TACR3: variants seen among roughly 807,000 people sequenced by gnomAD.
The protein encoded by TACR3 is tachykinin receptor 3.
In TACR3, 34 loss-of-function variants were observed where a neutral mutation model predicts 35.0. The observed-to-expected ratio is 0.97, with a 90% CI of 0.74 to 1.30. The LOEUF (loss-of-function observed/expected upper bound fraction) is 1.30, where lower values mean the gene tolerates loss of function less well. TACR3 is among the 50% of genes most tolerant of loss of function. The pLI is 0.00. For missense variants in TACR3, 558 were observed against 591.7 expected (o/e 0.94, Z 0.59); for synonymous variants, 233 against 221.1 (o/e 1.05, Z -0.48).
chr4:103,621,251 C>G (rs946382941), intron 3 of TACR3, among the ~76,000 whole-genome samples: 1 of 152,114 alleles, frequency 6.6e-6, no homozygotes, highest in Non-Finnish European at 1.5e-5. Context: ...AATAAGGTAA[C>G]CAAAACTCAT....
intron 4 of TACR3, among the ~76,000 whole-genome samples, chr4:103,590,346 GA>G (rs1440460724): frequency 2.0e-5 from 3 of 152,054 alleles, no homozygotes; most frequent in Non-Finnish European, 4.4e-5. Context: ...AAATATAATT[GA>G]ATTAGGCTGG....
chr4:103,631,289 C>T (rs895258763), intron 3 of TACR3, among the ~76,000 whole-genome samples: 1 of 151,976 alleles, frequency 6.6e-6, no homozygotes, highest in Non-Finnish European at 1.5e-5. Flanking sequence ...ATCAACACTG[C>T]ACGTTGCACA....
intron 2 of TACR3, among the ~76,000 whole-genome samples, chr4:103,656,884 G>A (rs982036660): frequency 5.3e-5 from 8 of 151,810 alleles, no homozygotes; most frequent in African/African-American, 1.9e-4. Context: ...TTAAAAATCA[G>A]GTAAAGACAT....
chr4:103,651,263 G>A (rs1179351758), intron 3 of TACR3, among the ~76,000 whole-genome samples: 2 of 151,480 alleles, frequency 1.3e-5, no homozygotes, highest in Non-Finnish European at 2.9e-5. Context: ...AGTCTACTTT[G>A]TGTTCTATTG....
At chr4:103,656,633 C>T (rs114347035) in intron 2 of TACR3, among the ~76,000 whole-genome samples, 62 of 152,084 alleles carry the variant, frequency 4.1e-4, no homozygotes, top group African/African-American at 1.4e-3. Context: ...TGAGGAGGAA[C>T]GACTTTCCAC....
At chr4:103,711,578 T>C (rs1722960044) in intron 1 of TACR3, among the ~76,000 whole-genome samples, 1 of 152,148 alleles carries the variant, frequency 6.6e-6, no homozygotes, top group Admixed American at 6.5e-5. Context: ...CTTTGAAAAC[T>C]GGCACAAGAC....
intron 3 of TACR3, among the ~76,000 whole-genome samples, chr4:103,648,535 C>A (rs1261045064): frequency 6.6e-6 from 1 of 152,032 alleles, no homozygotes; most frequent in Admixed American, 6.6e-5. Context: ...TGGGACCATA[C>A]AAACTTCATC....
intron 1 of TACR3, among the ~76,000 whole-genome samples, chr4:103,664,353 T>A (rs770683932): frequency 2.0e-5 from 3 of 152,226 alleles, no homozygotes; most frequent in Non-Finnish European, 4.4e-5. Context: ...ATTTTGTAAT[T>A]GTTATTTGTA....
rs939071346 is a variant in TACR3, at chr4:103,589,461, A to T, written c.*221T>A. Reference sequence around the variant, plus strand: ...TTGCATATAATAATTTAGAGTTTTCAAAGAATAAATTTAAAGCCCATTTTA... The same window carrying T: ...TTGCATATAATAATTTAGAGTTTTCTAAGAATAAATTTAAAGCCCATTTTA... On this transcript the variant is annotated 3_prime_UTR_variant, in exon 5 of 5. Transcript: ENST00000304883. The T allele has an allele frequency of 3.2e-5, 17 of 536,286 alleles. No individual in the cohort carries two copies. Among genetic ancestry groups the T allele is most frequent in the Admixed American group, 9.7e-5 (3 of 31,078 alleles). The allele number at this position is 536,286 out of a possible 1,614,324, so 33.2% of individuals were successfully genotyped here.
At chr4:103,600,310 A>G (rs1016684222) in intron 3 of TACR3, among the ~76,000 whole-genome samples, 26 of 152,000 alleles carry the variant, frequency 1.7e-4, no homozygotes, top group Non-Finnish European at 2.6e-4. Flanking sequence ...TATCCCCTTT[A>G]TCATTTTTTA....
At chr4:103,668,779 G>A (rs970282741) in intron 1 of TACR3, among the ~76,000 whole-genome samples, 32 of 151,488 alleles carry the variant, frequency 2.1e-4, no homozygotes, top group Admixed American at 1.8e-3. Flanking sequence ...AACTCGGGAA[G>A]TGGAGGGTAC....
At chr4:103,594,026 CAGTT>C (rs1221185956) in intron 3 of TACR3, among the ~76,000 whole-genome samples, 3 of 152,074 alleles carry the variant, frequency 2.0e-5, no homozygotes, top group Admixed American at 2.0e-4. Context: ...AAGACGCAGA[CAGTT>C]AAGTAATGTC....
intron 3 of TACR3, among the ~76,000 whole-genome samples, chr4:103,650,730 TATTATATCATA>T (rs1194840548): frequency 1.1e-4 from 6 of 54,080 alleles, no homozygotes; most frequent in African/African-American, 1.0e-3. Flanking sequence ...AATAAATATA[TATTATATCATA>T]TATAATATAT....
intron 1 of TACR3, among the ~76,000 whole-genome samples, chr4:103,659,925 A>G (rs1203931746): frequency 6.6e-6 from 1 of 152,136 alleles, no homozygotes; most frequent in Non-Finnish European, 1.5e-5. Context: ...TTAATAAAAC[A>G]CGATCTTTAT....
At chr4:103,699,036 T>C (rs1722588720) in intron 1 of TACR3, among the ~76,000 whole-genome samples, 1 of 152,222 alleles carries the variant, frequency 6.6e-6, no homozygotes, top group Non-Finnish European at 1.5e-5. Context: ...TGTGTTCTCA[T>C]AGTTACCATG....
At chr4:103,636,591 G>C (rs933353482) in intron 3 of TACR3, among the ~76,000 whole-genome samples, 5 of 152,050 alleles carry the variant, frequency 3.3e-5, no homozygotes, top group Non-Finnish European at 7.4e-5. Flanking sequence ...TAAGATCAGA[G>C]CAGAACTGAA....
chr4:103,625,998 T>C (rs1724883414), intron 3 of TACR3, among the ~76,000 whole-genome samples: 1 of 152,118 alleles, frequency 6.6e-6, no homozygotes, highest in Admixed American at 6.6e-5. Flanking sequence ...GAGAGAGGCC[T>C]CGGGAAAAAT....
intron 3 of TACR3, among the ~76,000 whole-genome samples, chr4:103,646,944 T>C (rs1725471957): frequency 6.6e-6 from 1 of 151,910 alleles, no homozygotes; most frequent in South Asian, 2.1e-4. Flanking sequence ...GAAAATAAAA[T>C]AGCATATTTA....
At chr4:103,661,750 A>G (rs1321649698) in intron 1 of TACR3, among the ~76,000 whole-genome samples, 1 of 152,138 alleles carries the variant, frequency 6.6e-6, no homozygotes, top group Non-Finnish European at 1.5e-5. Context: ...TAATCAGTTT[A>G]TGTTCTCATG....
Sources: gnomAD v4.1 joint callset for allele counts (sites outside exome capture counted in the v4.1 genomes callset) on GRCh38, gnomAD v4.1.1 for gene constraint, MANE v1.5 for transcripts, NCBI Gene and HGNC (gene_info 2026-07-23, HGNC 2026-07-21) for gene names.